SANBR: variants seen among roughly 807,000 people sequenced by gnomAD.
The protein encoded by SANBR is SANT and BTB domain regulator of CSR, also known as SANT and BTB domain regulator of class switch recombination.
In SANBR, 77 loss-of-function variants were observed where a neutral mutation model predicts 101.8. The observed-to-expected ratio is 0.76, with a 90% confidence interval of 0.63 to 0.91. The LOEUF (loss-of-function observed/expected upper bound fraction) is 0.91. SANBR is among the 40% of genes least tolerant of loss of function. SANBR has a pLI of 0.00. For missense variants in SANBR, 875 were observed against 853.0 expected, an observed-to-expected ratio of 1.03 and a Z score of -0.32; for synonymous variants, 279 against 274.7, an observed-to-expected ratio of 1.02 and a Z score of -0.15.
chr2:61,087,112 T>C (rs1297851074), intron 8 of SANBR, among the ~76,000 whole-genome samples: 2 of 152,184 alleles, frequency 1.3e-5, no homozygotes, highest in Non-Finnish European at 2.9e-5. Context: ...CATAAAACTT[T>C]ATGAGATTGG....
At chr2:61,085,593 C>T (rs999135221) in intron 8 of SANBR, among the ~76,000 whole-genome samples, 10 of 151,954 alleles carry the variant, frequency 6.6e-5, no homozygotes, top group East Asian at 1.9e-4. Flanking sequence ...TCTCTGCAAC[C>T]GCCGCCTCCC....
chr2:61,096,654 T>C (rs746314921), intron 11 of SANBR, among the ~76,000 whole-genome samples: 26 of 152,068 alleles, frequency 1.7e-4, no homozygotes, highest in Non-Finnish European at 2.8e-4. Context: ...GTTTAAGCAG[T>C]CCTTCTGCCT....
intron 10 of SANBR, chr2:61,090,796 T>C (rs1682712370): frequency 6.5e-6 from 1 of 153,492 alleles, no homozygotes; most frequent in African/African-American, 2.4e-5. Context: ...CTTCAACTCC[T>C]GGCCTCAGGC....
At chr2:61,069,700 TAAG>T (rs1681358347) in intron 2 of SANBR, 1 of 152,344 alleles carries the variant, frequency 6.6e-6, no homozygotes, top group Non-Finnish European at 1.5e-5. Flanking sequence ...TTGAATAAAG[TAAG>T]AAGTATCTCG....
chr2:61,108,421 T>G, intron 15 of SANBR, 72 bp downstream of exon 15: 5 of 981,458 alleles, frequency 5.1e-6, no homozygotes, highest in Non-Finnish European at 7.6e-6. Flanking sequence ...TAATAGAATC[T>G]TATCAGTATC....
intron 15 of SANBR, 47 bp from the exon 16 acceptor site, chr2:61,109,150 T>TA (rs769383406): frequency 5.2e-6 from 5 of 960,050 alleles, no homozygotes; most frequent in African/African-American, 1.7e-5. Context: ...AAGAATTCAA[T>TA]AAAAAATCAT....
At chr2:61,126,272 A>C (rs1217757732), downstream of SANBR, among the ~76,000 whole-genome samples, 2 of 152,162 alleles carry the variant, frequency 1.3e-5, no homozygotes, top group Non-Finnish European at 2.9e-5. Flanking sequence ...CATTCAATTT[A>C]TCAGCAAGTC....
intron 12 of SANBR, among the ~76,000 whole-genome samples, chr2:61,101,407 C>T (rs545861906): frequency 5.3e-5 from 8 of 152,222 alleles, no homozygotes; most frequent in African/African-American, 9.6e-5. Context: ...TACATTGTTT[C>T]GAGCAAAATA....
chr2:61,122,127 T>G lies in SANBR; in HGVS notation c.2122T>G (p.Ser708Ala), dbSNP rs1428422619. 1 of 1,550,466 alleles carries G rather than the reference T, an allele frequency of 6.4e-7. No individual in the cohort carries two copies. Among genetic ancestry groups the G allele is most frequent in the Non-Finnish European group, 8.7e-7 (1 of 1,146,250 alleles). ...TCCTTTTCTGTTTAAAAAATCTAGG[T>G]CTAAAAGTCGTTTTGGTCAAGGGCG... ...RQSSSEKNTR[S>A]KSRFGQGRPA Residue 708 changes from serine (S) to alanine (A), a missense_variant and splice_region_variant, in exon 22 of 22, where the codon TCT becomes GCT. Coordinates refer to ENST00000402291, the MANE Select transcript of SANBR (RefSeq NM_001129993.3).
intron 20 of SANBR, among the ~76,000 whole-genome samples, chr2:61,133,589 C>CA (rs1239516568): frequency 3.0e-4 from 46 of 151,252 alleles, no homozygotes; most frequent in Middle Eastern, 3.4e-3. Flanking sequence ...CCTATCTCTA[C>CA]AAAAAAAATT....
chr2:61,077,688 A>G (rs1260214853), intron 6 of SANBR, among the ~76,000 whole-genome samples: 1 of 152,212 alleles, frequency 6.6e-6, no homozygotes, highest in Non-Finnish European at 1.5e-5. Context: ...CATTGAATAT[A>G]CATATCTTTA....
chr2:61,088,243 T>C lies in SANBR; in HGVS notation c.975T>C (p.Tyr325=). The C allele has an allele frequency of 6.2e-7, 1 of 1,601,860 alleles. No individual in the cohort carries two copies. Among genetic ancestry groups the C allele is most frequent in the Non-Finnish European group, 8.5e-7 (1 of 1,173,606 alleles). ...PDSRSNAATL[Y]RCCLCKKLLT... Reference sequence around the variant, plus strand: ...CTCGGAGTAATGCAGCAACATTGTATAGGTATGCTAACATGTTTTTTTCTT... The same window carrying C: ...CTCGGAGTAATGCAGCAACATTGTACAGGTATGCTAACATGTTTTTTTCTT... The change falls in exon 9 of 22, where the codon TAT becomes TAC. Residue 325 remains tyrosine (Y), a splice_region_variant and synonymous_variant. Transcript: ENST00000402291.
intron 11 of SANBR, among the ~76,000 whole-genome samples, chr2:61,096,120 T>G (rs1573627147): frequency 6.6e-6 from 1 of 152,058 alleles, no homozygotes; most frequent in Non-Finnish European, 1.5e-5. Context: ...TCCCAATGGC[T>G]CCCGCAACCA....
At chr2:61,131,018 T>G (rs1684674325) in intron 20 of SANBR, among the ~76,000 whole-genome samples, 1 of 150,102 alleles carries the variant, frequency 6.7e-6, no homozygotes, top group South Asian at 2.1e-4. Context: ...TATTCTTTCA[T>G]GGTAAAAAAC....
intron 12 of SANBR, among the ~76,000 whole-genome samples, chr2:61,103,476 A>G (rs1683394465): frequency 6.6e-6 from 1 of 152,152 alleles, no homozygotes; most frequent in African/African-American, 2.4e-5. Flanking sequence ...AGACTAAACT[A>G]TAGTGTTTAG....
At position 61,131,600 on chromosome 2, in the gene SANBR, A is replaced by C. The variant is rs540053548; in HGVS notation, c.2029-2537A>C. Among the ~76,000 whole-genome samples the C allele has an allele frequency of 2.8e-3, 423 of 152,356 alleles. 1 individual carries two copies. The highest frequency in any genetic ancestry group is 9.5e-3 in the African/African-American group (394 of 41,586). ...TAAGACTTAATGTTATTAAGATGGGAGTATTCCTCAACTTAATCTACAGAT... is the reference window on the plus strand; with the variant it reads ...TAAGACTTAATGTTATTAAGATGGGCGTATTCCTCAACTTAATCTACAGAT... On this transcript the variant is annotated intron_variant, in intron 20 of 21. Transcript: ENST00000295031.
At chr2:61,085,597 G>A (rs1053667237) in intron 8 of SANBR, among the ~76,000 whole-genome samples, 6 of 151,356 alleles carry the variant, frequency 4.0e-5, no homozygotes, top group East Asian at 3.9e-4. Context: ...TGCAACCGCC[G>A]CCTCCCAGGT....
At chr2:61,132,296 T>A (rs1684712560) in intron 20 of SANBR, among the ~76,000 whole-genome samples, 1 of 152,192 alleles carries the variant, frequency 6.6e-6, no homozygotes, top group Non-Finnish European at 1.5e-5. Flanking sequence ...CCAGAATGTA[T>A]AAAGAATGCC....
chr2:61,066,256 G>T lies in SANBR; in HGVS notation c.-147+229G>T, dbSNP rs553425751. On this transcript the variant is annotated intron_variant, in intron 1 of 21. Transcript: ENST00000402291. ...CGCCCGGTCCATGTCCCTGCAGACC[G>T]TCCCGCCCGCGCACAGCGGCGGGAA... 95 of 152,418 alleles carry T rather than the reference G, an allele frequency of 6.2e-4. 1 individual carries two copies. Among genetic ancestry groups the T allele is most frequent in the African/African-American group, 2.0e-3 (84 of 41,480 alleles). The allele number at this position is 152,418 out of a possible 1,614,324, so 9.4% of individuals were successfully genotyped here.
Sources: gnomAD v4.1 joint callset for allele counts (sites outside exome capture counted in the v4.1 genomes callset) on GRCh38, gnomAD v4.1.1 for gene constraint, MANE v1.5 for transcripts, NCBI Gene and HGNC (gene_info 2026-07-23, HGNC 2026-07-21) for gene names.